STRC: variants seen among roughly 807,000 people sequenced by gnomAD.
STRC encodes the protein stereocilin.
In STRC, 43 loss-of-function variants were observed where a neutral mutation model predicts 103.5. That is an observed-to-expected ratio of 0.42 (90% CI 0.33 to 0.54). STRC has a LOEUF of 0.54. Ranked by LOEUF, STRC falls within the 20% of genes least tolerant of loss-of-function variation. The probability of loss-of-function intolerance (pLI) is 0.14; values close to 1 mark genes in which losing one functional copy is unlikely to be tolerated. For missense variants in STRC, 499 were observed against 1,088.5 expected (o/e 0.46, Z 7.62); for synonymous variants, 186 against 442.3 (o/e 0.42, Z 7.27).
chr15:43,600,924 G>C lies in STRC; in HGVS notation c.4792C>G (p.Leu1598Val), dbSNP rs753942597. The change falls in exon 25 of 29, where the codon CTC becomes GTC. Residue 1598 changes from leucine to valine, a missense_variant. Leu to Val is a conservative substitution (Grantham distance 32). Coordinates refer to ENST00000450892, the MANE Select transcript of STRC (RefSeq NM_153700.2). The part of the protein sequence containing the change: ...FVHLTALGYT[L>V]CGLRPEELQH... ...AGCTCCTCTGGCCGCAGTCCACAGA[G>C]AGTATAACCCAGCGCTGTCAGATGA... is the stretch of plus-strand genomic sequence containing the variant. 6 of 1,610,290 alleles carry C rather than the reference G, an allele frequency of 3.7e-6. No homozygotes were observed. In the East Asian group the frequency reaches 6.7e-5, roughly 18 times the overall value.
intron 18 of STRC, among the ~76,000 whole-genome samples, chr15:43,606,473 G>A (rs545130571): frequency 2.7e-4 from 41 of 150,374 alleles, no homozygotes; most frequent in African/African-American, 9.1e-4. Flanking sequence ...GGTGGCACGC[G>A]CCTGTAATCC....
chr15:43,608,017 T>G, intron 17 of STRC, 42 bp from the exon 18 acceptor site: 1 of 1,611,084 alleles, frequency 6.2e-7, no homozygotes, highest in Non-Finnish European at 8.5e-7. Context: ...ACATAGGAGC[T>G]GGGTTCTATA....
intron 23 of STRC, chr15:43,602,759 C>T (rs1398851801): frequency 5.4e-6 from 1 of 184,894 alleles, no homozygotes; most frequent in African/African-American, 2.4e-5. Flanking sequence ...ATTCTCCTGC[C>T]TCAGCCTCCC....
intron 19 of STRC, 174 bp downstream of exon 19, chr15:43,605,090 T>C (rs1439497094): frequency 4.0e-6 from 5 of 1,241,848 alleles, no homozygotes; most frequent in African/African-American, 1.5e-5. Flanking sequence ...ACGTGAAGCA[T>C]ATTATCAAGG....
At chr15:43,605,627 C>T (rs1422606844) in intron 18 of STRC, among the ~76,000 whole-genome samples, 9 of 137,702 alleles carry the variant, frequency 6.5e-5, no homozygotes, top group African/African-American at 2.6e-4. Context: ...AAAAAAATAA[C>T]GAACAATCCT....
In STRC at chr15:43,604,073, C is replaced by T. The variant is rs202189597; in HGVS notation, c.4298G>A (p.Cys1433Tyr). 2 of 1,613,358 alleles carry T rather than the reference C, an allele frequency of 1.2e-6. No homozygotes were observed. The highest frequency in any genetic ancestry group is 1.7e-6 in the Non-Finnish European group (2 of 1,179,682). Residue 1433 changes from cysteine (C) to tyrosine (Y), a missense_variant, in exon 22 of 29, where the codon TGT becomes TAT. Physicochemically the swap from Cys to Tyr is radical, Grantham distance 194. Coordinates refer to ENST00000450892, the MANE Select transcript of STRC (RefSeq NM_153700.2). ...SWEQSRVGQL[C>Y]REPQLAAKKA... ...CTTGGCAGCAAGCTGTGGCTCCCTA[C>T]ACAGCTGTCCAACTCTGCTCTGCTC... is the stretch of plus-strand genomic sequence containing the variant.
chr15:43,600,275 G>A lies in STRC; in HGVS notation c.5012C>T (p.Ala1671Val), dbSNP rs1430573338. ...GTIAAGIPDL[A>V]LSALLRGQIQ... Reference sequence around the variant, plus strand: ...CTGTCCCCGCAGCAGTGCTGAAAGAGCCAGGTCTGGGATCCCAGCTGTTGA... The same window carrying A: ...CTGTCCCCGCAGCAGTGCTGAAAGAACCAGGTCTGGGATCCCAGCTGTTGA... Residue 1671 changes from alanine (A) to valine (V), a missense_variant, in exon 27 of 29, where the codon GCT (alanine) becomes GTT (valine). By Grantham distance (64) the Ala-to-Val change is moderately conservative. Coordinates refer to ENST00000450892, the MANE Select transcript of STRC (RefSeq NM_153700.2). 9.0e-6 allele frequency: 10 copies of A among 1,111,924 alleles called. No homozygotes were observed. Among genetic ancestry groups the A allele is most frequent in the Non-Finnish European group, 1.3e-5 (10 of 752,444 alleles). 68.9% of individuals were successfully genotyped at this position (1,111,924 alleles called of 1,614,324 possible). A position where few individuals can be genotyped will look rare whatever the true frequency, so the allele number is the denominator to read the frequency against.
chr15:43,611,036 G>A, intron 13 of STRC, 52 bp from the exon 14 acceptor site: 1 of 1,604,534 alleles, frequency 6.2e-7, no homozygotes, highest in Non-Finnish European at 8.5e-7. Context: ...GTGTGTGTGT[G>A]TGTAAGTGGG....
chr15:43,613,604 G>C (rs1188218245), intron 7 of STRC, among the ~76,000 whole-genome samples: 1 of 146,706 alleles, frequency 6.8e-6, no homozygotes, highest in African/African-American at 2.6e-5. Flanking sequence ...CCTGCCTCGG[G>C]CTCCCAACGT....
In STRC at chr15:43,600,630, G is replaced by A; in HGVS notation, c.4897C>T (p.Leu1633=). Reference sequence around the variant, plus strand: ...ACAAGTAGGTGGGCCAGAACCTCCAGTTGTTCCTCAGAGCACTGGAGATGC... The same window carrying A: ...ACAAGTAGGTGGGCCAGAACCTCCAATTGTTCCTCAGAGCACTGGAGATGC... The part of the protein sequence containing the change: ...TLHLQCSEEQ[L]EVLAHLLVLP... Residue 1633 remains leucine, a synonymous_variant, in exon 26 of 29, where the codon CTG becomes TTG. Coordinates refer to ENST00000450892, the MANE Select transcript of STRC (RefSeq NM_153700.2). The A allele has an allele frequency of 6.2e-7, 1 of 1,613,794 alleles. No individual in the cohort carries two copies. The highest frequency in any genetic ancestry group is 8.5e-7 in the Non-Finnish European group (1 of 1,179,874).
chr15:43,602,723 C>G (rs1312331956), intron 23 of STRC: 13 of 162,424 alleles, frequency 8.0e-5, no homozygotes, highest in South Asian at 5.9e-4. Context: ...CGGCTCACTG[C>G]AAGCTCCCCC....
intron 18 of STRC, 94 bp downstream of exon 18, chr15:43,607,769 G>A (rs2085721044): frequency 1.2e-6 from 1 of 861,664 alleles, no homozygotes; most frequent in East Asian, 2.5e-5. Flanking sequence ...CTACCAGACA[G>A]AAAAACTACC....
At chr15:43,601,759 A>G (rs1296695566) in intron 23 of STRC, 2 of 581,498 alleles carry the variant, frequency 3.4e-6, no homozygotes, top group Non-Finnish European at 6.1e-6. Flanking sequence ...GGAAAAGAAG[A>G]GCAAACTAAC....
At chr15:43,605,230 C>T (rs751048926) in intron 19 of STRC, 34 bp downstream of exon 19, 5 of 1,577,512 alleles carry the variant, frequency 3.2e-6, no homozygotes, top group Non-Finnish European at 3.4e-6. Context: ...TTGCCCAGGG[C>T]AGCAAATCTG....
chr15:43,600,060 A>C lies in STRC; in HGVS notation c.5139T>G (p.Ala1713=). 1.2e-6 allele frequency: 2 copies of C among 1,612,934 alleles called. No individual in the cohort carries two copies. The highest frequency in any genetic ancestry group is 1.7e-6 in the Non-Finnish European group (2 of 1,179,542). Residue 1713 remains alanine, a synonymous_variant, in exon 28 of 29, where the codon GCT becomes GCG. Coordinates refer to ENST00000450892, the MANE Select transcript of STRC (RefSeq NM_153700.2). ...CCATTTGCTCAGGAGTGACAGCCACAGCCTGAGCACTGGTGAGACTAGATA... is the reference window on the plus strand; with the variant it reads ...CCATTTGCTCAGGAGTGACAGCCACCGCCTGAGCACTGGTGAGACTAGATA... The part of the protein sequence containing the change: ...IQLSSLTSAQ[A]VAVTPEQMAF...
At chr15:43,602,116 T>A (rs144262899) in intron 23 of STRC, among the ~76,000 whole-genome samples, 1,214 of 117,712 alleles carry the variant, frequency 0.01, 19 homozygotes, top group African/African-American at 0.043. Flanking sequence ...AGTGAGACTC[T>A]GTCTCAAAAA....
At chr15:43,609,147 C>T in intron 16 of STRC, 129 bp downstream of exon 16, 2 of 831,272 alleles carry the variant, frequency 2.4e-6, no homozygotes, top group South Asian at 2.7e-5. Flanking sequence ...GGAGAACGTC[C>T]ACGAGGCAGG....
chr15:43,603,640 A>G, intron 22 of STRC: 1 of 643,892 alleles, frequency 1.6e-6, no homozygotes, highest in East Asian at 2.9e-5. Flanking sequence ...TGTTATTCAG[A>G]GATTTAATGG....
Position 43,600,971 on chromosome 15 carries a change from T to G in STRC, c.4745A>C (p.His1582Pro). 1 of 1,498,868 alleles carries G rather than the reference T, an allele frequency of 6.7e-7. No individual in the cohort carries two copies. Among genetic ancestry groups the G allele is most frequent in the Non-Finnish European group, 9.0e-7 (1 of 1,112,862 alleles). The allele number at this position is 1,498,868 out of a possible 1,614,324, so 92.8% of individuals were successfully genotyped here. The change falls in exon 25 of 29, where the codon CAT (histidine) becomes CCT (proline). Residue 1582 changes from histidine (H) to proline (P), a missense_variant. His to Pro is a moderately conservative substitution (Grantham distance 77, BLOSUM62 -2). Coordinates refer to ENST00000450892, the MANE Select transcript of STRC (RefSeq NM_153700.2). ...ATGAACGAAGTCCAGGTGGCTCACA[T>G]GCCGACCACTCTGCCGTAGGAAACT... ...VSSFLRQSGR[H>P]VSHLDFVHLT...
Sources: allele counts gnomAD v4.1 joint callset (sites outside exome capture counted in the v4.1 genomes callset), GRCh38; gene constraint gnomAD v4.1.1; transcripts MANE v1.5; gene names NCBI Gene and HGNC (gene_info 2026-07-23, HGNC 2026-07-21).